Variants in CA10 observed in about 807,000 individuals in gnomAD.
CA10 encodes the protein carbonic anhydrase 10 (inactive), also known as carbonic anhydrase-related protein 10.
Under a neutral mutation model 44.2 loss-of-function variants are expected in CA10, and 14 were observed. That is an observed-to-expected ratio of 0.32 (90% CI 0.21 to 0.50). The LOEUF (loss-of-function observed/expected upper bound fraction) is 0.50. Among genes scored for constraint, CA10 ranks in the 20% least tolerant of loss-of-function variants. The probability of loss-of-function intolerance (pLI) is 0.99; values close to 1 mark genes in which losing one functional copy is unlikely to be tolerated. For synonymous variants in CA10, 159 were observed against 141.6 expected (o/e 1.12, Z -0.87); for missense variants, 350 against 409.7 (o/e 0.85, Z 1.26).
intron 2 of CA10, among the ~76,000 whole-genome samples, chr17:51,969,785 G>A (rs971477562): frequency 2.0e-5 from 3 of 151,934 alleles, no homozygotes; most frequent in Non-Finnish European, 4.4e-5. Context: ...GATCTTATGA[G>A]TAGGAAATAA....
chr17:52,002,045 T>C (rs1221196408), intron 2 of CA10, among the ~76,000 whole-genome samples: 1 of 151,820 alleles, frequency 6.6e-6, no homozygotes, highest in East Asian at 2.0e-4. Flanking sequence ...TTATCCTGGT[T>C]TTAACAAAAA....
intron 3 of CA10, among the ~76,000 whole-genome samples, chr17:51,796,723 A>G (rs1354102912): frequency 2.0e-5 from 3 of 152,086 alleles, no homozygotes; most frequent in Non-Finnish European, 4.4e-5. Flanking sequence ...TTAATGTAAC[A>G]TCTGTCATTT....
chr17:51,920,576 C>T (rs1982189660), intron 3 of CA10, among the ~76,000 whole-genome samples: 1 of 152,154 alleles, frequency 6.6e-6, no homozygotes, highest in South Asian at 2.1e-4. Context: ...AAGCCAACAA[C>T]CAGGTGTTTC....
At chr17:51,998,207 G>A (rs955446717) in intron 2 of CA10, among the ~76,000 whole-genome samples, 2 of 152,042 alleles carry the variant, frequency 1.3e-5, no homozygotes, top group African/African-American at 2.4e-5. Flanking sequence ...ACCCTAGACT[G>A]CTACATACTG....
At chr17:51,956,228 T>C (rs1294999888) in intron 2 of CA10, among the ~76,000 whole-genome samples, 1 of 152,190 alleles carries the variant, frequency 6.6e-6, no homozygotes, top group Non-Finnish European at 1.5e-5. Context: ...TCCTTGATTC[T>C]AAGGAGACTT....
intron 3 of CA10, among the ~76,000 whole-genome samples, chr17:51,850,502 C>CTCTGTAATAGG (rs1978746743): frequency 6.6e-6 from 1 of 152,110 alleles, no homozygotes; most frequent in Non-Finnish European, 1.5e-5. Context: ...GGGGTGAGGT[C>CTCTGTAATAGG]TCTGTAATAG....
intron 1 of CA10, among the ~76,000 whole-genome samples, chr17:52,089,294 A>G (rs973414116): frequency 2.6e-5 from 4 of 152,230 alleles, no homozygotes; most frequent in East Asian, 1.9e-4. Context: ...TGGTGAGTGT[A>G]CAATGTGTGA....
At chr17:52,136,861 G>A (rs2143368834) in intron 1 of CA10, among the ~76,000 whole-genome samples, 1 of 152,204 alleles carries the variant, frequency 6.6e-6, no homozygotes, top group African/African-American at 2.4e-5. Context: ...TAATCTAAGA[G>A]AATAAATTTT....
intron 2 of CA10, among the ~76,000 whole-genome samples, chr17:51,983,542 T>A (rs1336009592): frequency 1.3e-5 from 2 of 151,702 alleles, no homozygotes; most frequent in Non-Finnish European, 3.0e-5. Context: ...TTTTTGTGAA[T>A]CCCAGTTTAC....
intron 1 of CA10, among the ~76,000 whole-genome samples, chr17:52,148,473 G>A (rs1212500932): frequency 6.6e-6 from 1 of 152,208 alleles, no homozygotes; most frequent in African/African-American, 2.4e-5. Context: ...ATGGAAATAT[G>A]AGTCAGAGCA....
chr17:51,724,761 C>T (rs1240886752), intron 4 of CA10, among the ~76,000 whole-genome samples: 1 of 152,164 alleles, frequency 6.6e-6, no homozygotes, highest in Admixed American at 6.5e-5. Context: ...TGAAACTAAA[C>T]CATGCCTATC....
Position 51,947,289 on chromosome 17 carries a change from T to C in CA10, c.137-16157A>G, listed in dbSNP as rs533854256. Among the ~76,000 whole-genome samples the C allele has an allele frequency of 3.2e-3, 476 of 150,100 alleles. 1 individual carries two copies. Among genetic ancestry groups the C allele is most frequent in the Non-Finnish European group, 5.5e-3 (376 of 67,782 alleles). On this transcript the variant is annotated intron_variant, in intron 2 of 8. Coordinates refer to ENST00000451037, the MANE Select transcript of CA10 (RefSeq NM_020178.5). ...AGACTTTGAGTCACCTTTATTTGTG[T>C]ACTGTAAAAGACCGGTAGGAGCAGC...
chr17:51,967,061 C>T (rs1481113972), intron 2 of CA10, among the ~76,000 whole-genome samples: 1 of 151,688 alleles, frequency 6.6e-6, no homozygotes, highest in Non-Finnish European at 1.5e-5. Flanking sequence ...ACAGCCACTT[C>T]TCAAAAGAAG....
At chr17:51,947,721 G>A (rs1048395779) in intron 2 of CA10, among the ~76,000 whole-genome samples, 1 of 152,002 alleles carries the variant, frequency 6.6e-6, no homozygotes. Flanking sequence ...ATGTGCAGGG[G>A]CCATGGTGCA....
At chr17:52,018,559 G>C (rs1048635095) in intron 2 of CA10, among the ~76,000 whole-genome samples, 5 of 151,790 alleles carry the variant, frequency 3.3e-5, no homozygotes, top group Admixed American at 3.3e-4. Flanking sequence ...AAATAGAAAT[G>C]TTTACTCAAT....
intron 1 of CA10, among the ~76,000 whole-genome samples, chr17:52,074,972 C>T (rs1987779936): frequency 6.6e-6 from 1 of 152,090 alleles, no homozygotes; most frequent in African/African-American, 2.4e-5. Flanking sequence ...AATAGCCAAA[C>T]ATATTTATTT....
intron 4 of CA10, among the ~76,000 whole-genome samples, chr17:51,659,304 T>G (rs1235450743): frequency 6.6e-6 from 1 of 152,152 alleles, no homozygotes; most frequent in Non-Finnish European, 1.5e-5. Flanking sequence ...TTTTAGACTC[T>G]GGGACTTACA....
At chr17:51,704,991 A>T (rs974177278) in intron 4 of CA10, among the ~76,000 whole-genome samples, 4 of 151,976 alleles carry the variant, frequency 2.6e-5, no homozygotes, top group Non-Finnish European at 5.9e-5. Context: ...AAAAAGAAAA[A>T]AGAAAAGAAA....
chr17:51,646,803 T>C (rs1409117941), intron 6 of CA10, among the ~76,000 whole-genome samples: 2 of 152,236 alleles, frequency 1.3e-5, no homozygotes. Flanking sequence ...CGCAGTGTCC[T>C]GGGCAAAGCA....
Sources: allele counts gnomAD v4.1 joint callset (sites outside exome capture counted in the v4.1 genomes callset), GRCh38; gene constraint gnomAD v4.1.1; transcripts MANE v1.5; gene names NCBI Gene and HGNC (gene_info 2026-07-23, HGNC 2026-07-21).